The following PODNL1 variants were observed in gnomAD, a reference collection of about 807,000 sequenced individuals.
PODNL1 encodes the protein podocan like 1.
PODNL1 carries 50 observed loss-of-function variants against 45.1 expected under a neutral mutation model. That is an observed-to-expected ratio of 1.11 (90% CI 0.88 to 1.40). PODNL1 has a LOEUF of 1.40. Ranked by LOEUF, PODNL1 falls within the 40% of genes most tolerant of loss-of-function variation. The pLI is 0.00. For missense variants in PODNL1, 788 were observed against 793.3 expected, an observed-to-expected ratio of 0.99 and a Z score of 0.08; for synonymous variants, 406 against 372.5, an observed-to-expected ratio of 1.09 and a Z score of -1.04.
At chr19:13,932,616 A>G (rs1972023763) in intron 8 of PODNL1, 182 bp downstream of exon 8, 2 of 1,487,898 alleles carry the variant, frequency 1.3e-6, no homozygotes, top group Non-Finnish European at 1.8e-6. Context: ...TTGGCTCCCC[A>G]AAGTGCTGGG....
rs193206432 is a variant in PODNL1, at chr19:13,933,228, A to C, written c.995T>G (p.Leu332Arg). Residue 332 changes from leucine (L) to arginine (R), a missense_variant, in exon 8 of 10, where the codon CTG becomes CGG. Coordinates refer to ENST00000588872, the MANE Select transcript of PODNL1 (RefSeq NM_001370095.3). The surrounding 1 kb of genome is among the most constrained non-coding windows in gnomAD (Gnocchi z 5.2). ...PAGALRPLRGLHTLHLYGNGL... is the reference protein window; with the variant it reads ...PAGALRPLRGRHTLHLYGNGL... The stretch of plus-strand genomic sequence containing the variant: ...ATTGCCATAGAGGTGCAGCGTGTGC[A>C]GGCCCCGCAGCGGCCGCAGAGCCCC... The C allele has an allele frequency of 1.5e-4, 238 of 1,540,192 alleles. 1 individual carries two copies. The East Asian group carries it at 4.9e-3, about 31-fold the overall frequency.
Position 13,931,257 on chromosome 19 carries a change from C to T in PODNL1, c.*480G>A, listed in dbSNP as rs1281934243. 6.4e-6 allele frequency: 1 copy of T among 155,280 alleles called. No individual in the cohort carries two copies. The highest frequency in any genetic ancestry group is 2.4e-5 in the African/African-American group (1 of 41,490). 9.6% of individuals were successfully genotyped at this position (155,280 alleles called of 1,614,324 possible). A position where few individuals can be genotyped will look rare whatever the true frequency, so the allele number is the denominator to read the frequency against. On this transcript the variant is annotated 3_prime_UTR_variant, in exon 10 of 10. Coordinates refer to ENST00000588872, the MANE Select transcript of PODNL1 (RefSeq NM_001370095.3). ...ATGTGAGGGTCCCTATATCTGTCAC[C>T]CAGTGTTTTTTCAGTGGGTGGCCTT...
At chr19:13,950,786 T>G (rs1262823258) in intron 1 of PODNL1, among the ~76,000 whole-genome samples, 1 of 152,112 alleles carries the variant, frequency 6.6e-6, no homozygotes, top group African/African-American at 2.4e-5. Context: ...GGCTCACGCC[T>G]GTAATCTCAG....
At chr19:13,947,335 G>T (rs368763561) in intron 1 of PODNL1, among the ~76,000 whole-genome samples, 33 of 151,836 alleles carry the variant, frequency 2.2e-4, no homozygotes, top group African/African-American at 7.7e-4. Context: ...ACAAAAATTA[G>T]CTGGGCCTGG....
rs2145399850 is a variant in PODNL1 at position 13,931,851 on chromosome 19, C to T, written c.1611G>A (p.Glu537=). Residue 537 remains glutamate, a synonymous_variant, in exon 10 of 10, where the codon GAG becomes GAA. Coordinates refer to ENST00000588872, the MANE Select transcript of PODNL1 (RefSeq NM_001370095.3). ...NRLHMTSIAA[E]AFLGLPNLRV... is the part of the protein sequence containing the mutation. ...GCAGGTTTGGGAGCCCCAGGAAGGC[C>T]TCAGCCGCGATGCTCGTCATGTGAA... 4 of 1,231,958 alleles carry T rather than the reference C, an allele frequency of 3.2e-6. No homozygotes were observed. The South Asian group carries it at 1.2e-4, about 38-fold the overall frequency. The allele number at this position is 1,231,958 out of a possible 1,614,324, so 76.3% of individuals were successfully genotyped here.
chr19:13,939,454 T>G (rs1972575473), upstream of PODNL1, among the ~76,000 whole-genome samples: 1 of 152,060 alleles, frequency 6.6e-6, no homozygotes, highest in Non-Finnish European at 1.5e-5. Flanking sequence ...TCAGGTGATT[T>G]GCCCACCTTG....
chr19:13,941,520 A>G (rs1308080205), upstream of PODNL1, among the ~76,000 whole-genome samples: 1 of 152,002 alleles, frequency 6.6e-6, no homozygotes, highest in African/African-American at 2.4e-5. Context: ...GAAGTGATCA[A>G]GAAACAGTGG....
chr19:13,947,382 G>A (rs1351727436), intron 1 of PODNL1, among the ~76,000 whole-genome samples: 1 of 150,332 alleles, frequency 6.7e-6, no homozygotes, highest in Non-Finnish European at 1.5e-5. Context: ...TTGGGAGGCT[G>A]ACGCAGGAGA....
At chr19:13,943,201 C>T (rs994414211), upstream of PODNL1, among the ~76,000 whole-genome samples, 34 of 151,732 alleles carry the variant, frequency 2.2e-4, no homozygotes, top group Non-Finnish European at 1.0e-4. Context: ...GAGGCTGAGG[C>T]AGAAGAATCA....
rs1002650329 is a variant in PODNL1, at chr19:13,933,748, C to T, written c.767+130G>A. On this transcript the variant is annotated intron_variant, in intron 7 of 9. Coordinates refer to ENST00000588872, the MANE Select transcript of PODNL1 (RefSeq NM_001370095.3). The surrounding 1 kb of genome is among the most constrained non-coding windows in gnomAD (Gnocchi z 5.2). The stretch of plus-strand genomic sequence containing the variant: ...CAGGGACACCTACCCAGTGCTCTGC[C>T]GAGCCCAGTGAGCAGCAGGCACTCA... 1.5e-5 allele frequency: 12 copies of T among 808,928 alleles called. No homozygotes were observed. In the South Asian group the frequency reaches 1.5e-4, roughly 10 times the overall value. The allele number at this position is 808,928 out of a possible 1,614,324, so 50.1% of individuals were successfully genotyped here. A position where few individuals can be genotyped will look rare whatever the true frequency, so the allele number is the denominator to read the frequency against.
Position 13,933,040 on chromosome 19 carries a change from G to A in PODNL1, c.1183C>T (p.Arg395Trp), listed in dbSNP as rs75262491. ...NRLASARVHH[R>W]AFRRLRALRS... is the part of the protein sequence containing the mutation. ...AGGGCACGCAACCGGCGGAAGGCCC[G>A]GTGGTGCACACGGGCGCTGGCCAGG... Residue 395 changes from arginine to tryptophan, a missense_variant, in exon 8 of 10, where the codon CGG becomes TGG. By Grantham distance (101) the Arg-to-Trp change is moderately radical. This residue lies in a region of PODNL1 where 762 missense variants were observed against 750.9 expected (regional missense o/e 1.01). Coordinates refer to ENST00000588872, the MANE Select transcript of PODNL1 (RefSeq NM_001370095.3). The surrounding 1 kb of genome is among the most constrained non-coding windows in gnomAD (Gnocchi z 5.2). 8.0e-4 allele frequency: 1,233 copies of A among 1,537,532 alleles called. 11 individuals carry two copies. The African/African-American group carries it at 0.013, about 16-fold the overall frequency.
At chr19:13,943,904 G>C (rs989835151) in intron 1 of PODNL1, among the ~76,000 whole-genome samples, 3 of 152,080 alleles carry the variant, frequency 2.0e-5, no homozygotes, top group Non-Finnish European at 4.4e-5. Context: ...TCACGGCATC[G>C]GGGAGACAGG....
chr19:13,944,094 C>T (rs1972741583), intron 1 of PODNL1, among the ~76,000 whole-genome samples: 1 of 151,782 alleles, frequency 6.6e-6, no homozygotes, highest in African/African-American at 2.4e-5. Context: ...TGGCTGGGGG[C>T]AAAGAGAGGC....
At chr19:13,945,733 C>T (rs1972793941) in intron 1 of PODNL1, among the ~76,000 whole-genome samples, 1 of 152,054 alleles carries the variant, frequency 6.6e-6, no homozygotes, top group African/African-American at 2.4e-5. Context: ...GATCCACCCA[C>T]CTCAGCCTCC....
At chr19:13,943,583 T>A (rs538168381) in intron 1 of PODNL1, among the ~76,000 whole-genome samples, 23 of 152,260 alleles carry the variant, frequency 1.5e-4, no homozygotes, top group African/African-American at 4.1e-4. Context: ...TGCCTCAGCC[T>A]CCCAATTAGC....
At chr19:13,947,292 T>C (rs138725854) in intron 1 of PODNL1, among the ~76,000 whole-genome samples, 2,011 of 147,646 alleles carry the variant, frequency 0.014, 55 homozygotes, top group African/African-American at 0.048. Flanking sequence ...ACCAGCCTGG[T>C]CAACATGGCG....
chr19:13,932,525 C>T, intron 8 of PODNL1: 1 of 796,896 alleles, frequency 1.3e-6, no homozygotes. Flanking sequence ...CCACGCTTGG[C>T]TATGTTTTTT....
upstream of PODNL1, among the ~76,000 whole-genome samples, chr19:13,940,883 C>CAAACAAAACA (rs57838976): frequency 0.072 from 10,958 of 151,380 alleles, 1,143 homozygotes; most frequent in African/African-American, 0.23. Context: ...GACTCTGTCT[C>CAAACAAAACA]AAACAAAACA....
chr19:13,949,062 C>A (rs1599452857), intron 1 of PODNL1, among the ~76,000 whole-genome samples: 2 of 151,876 alleles, frequency 1.3e-5, no homozygotes, highest in South Asian at 2.1e-4. Flanking sequence ...CGGGTTCAAG[C>A]GATTCTCATG....
Sources: allele counts gnomAD v4.1 joint callset (sites outside exome capture counted in the v4.1 genomes callset), GRCh38; gene constraint gnomAD v4.1.1; regional missense constraint gnomAD v4.1.1; non-coding constraint Gnocchi (gnomAD v3.1); transcripts MANE v1.5; gene names NCBI Gene and HGNC (gene_info 2026-07-23, HGNC 2026-07-21).